HUNK: variants seen among roughly 807,000 people sequenced by gnomAD.
HUNK encodes the protein hormonally up-regulated neu tumor-associated kinase.
HUNK carries 21 observed loss-of-function variants against 61.0 expected under a neutral mutation model. The observed-to-expected ratio is 0.34, with a 90% CI of 0.24 to 0.50. HUNK has a LOEUF of 0.50. HUNK is among the 20% of genes least tolerant of loss of function. The pLI, the probability that HUNK is intolerant of heterozygous loss-of-function variation, is 0.98. For synonymous variants in HUNK, 371 were observed against 386.1 expected (o/e 0.96, Z 0.46); for missense variants, 772 against 945.7 (o/e 0.82, Z 2.41).
intron 5 of HUNK, among the ~76,000 whole-genome samples, chr21:31,963,201 T>G (rs1448988391): frequency 3.9e-5 from 6 of 152,336 alleles, no homozygotes; most frequent in East Asian, 1.9e-4. Context: ...TCATGTGGTG[T>G]TGTTTTTATA....
rs147522355 is a variant in HUNK at position 31,885,874 on chromosome 21, A to G, written c.261+11939A>G. 7.0e-4 allele frequency among the ~76,000 whole-genome samples: 107 copies of G among 152,280 alleles called. No individual in the cohort carries two copies. In the East Asian group the frequency reaches 0.021, roughly 29 times the overall value. The stretch of plus-strand genomic sequence containing the variant: ...CTCAGCCTCCTGAGTAGCTGGGATG[A>G]CAGGCACGCGCCACCATACCCACCT... On this transcript the variant is annotated intron_variant, in intron 1 of 10. Coordinates refer to ENST00000270112, the MANE Select transcript of HUNK (RefSeq NM_014586.2).
intron 1 of HUNK, among the ~76,000 whole-genome samples, chr21:31,914,322 C>T (rs979597306): frequency 1.4e-5 from 2 of 141,102 alleles, no homozygotes; most frequent in Non-Finnish European, 3.0e-5. Flanking sequence ...GCAGGAGAAT[C>T]GCTTGAACCC....
At chr21:31,941,511 TG>T (rs1372230860) in intron 3 of HUNK, among the ~76,000 whole-genome samples, 1 of 152,164 alleles carries the variant, frequency 6.6e-6, no homozygotes, top group Non-Finnish European at 1.5e-5. Flanking sequence ...TTCACCATGT[TG>T]GCCAGGCTGG....
intron 4 of HUNK, 83 bp from the exon 5 acceptor site, chr21:31,958,760 A>G: frequency 7.4e-7 from 1 of 1,350,198 alleles, no homozygotes; most frequent in African/African-American, 1.5e-5. Flanking sequence ...AGCAGCTCCC[A>G]CGCTTCGGTG....
chr21:31,944,389 C>T (rs2123830085), intron 3 of HUNK, among the ~76,000 whole-genome samples: 1 of 152,288 alleles, frequency 6.6e-6, no homozygotes, highest in East Asian at 1.9e-4. Context: ...GATTTTTCTT[C>T]TTATAAAAAT....
At chr21:31,997,518 G>T (rs1568945242) in intron 10 of HUNK, among the ~76,000 whole-genome samples, 1 of 152,208 alleles carries the variant, frequency 6.6e-6, no homozygotes, top group Non-Finnish European at 1.5e-5. Flanking sequence ...CCACTTATAT[G>T]AGGTCCCTAG....
chr21:31,981,934 G>T (rs1306468177), intron 7 of HUNK, among the ~76,000 whole-genome samples: 1 of 150,900 alleles, frequency 6.6e-6, no homozygotes, highest in Non-Finnish European at 1.5e-5. Context: ...AAGTTCTGGG[G>T]TACATGTTTA....
Position 31,873,886 on chromosome 21 carries a change from G to A in HUNK, c.212G>A (p.Gly71Asp). 6.3e-7 allele frequency: 1 copy of A among 1,587,318 alleles called. No homozygotes were observed. The highest frequency in any genetic ancestry group is 1.7e-5 in the Admixed American group (1 of 57,732). ...YLIGSRKLGEGSFAKVREGLH... is the reference protein window; with the variant it reads ...YLIGSRKLGEDSFAKVREGLH... ...ATCGGCAGCAGGAAGCTGGGCGAGG[G>A]CTCCTTTGCCAAGGTGCGCGAGGGG... Residue 71 changes from glycine (G) to aspartate (D), a missense_variant, in exon 1 of 11, where the codon GGC becomes GAC. Gly to Asp is a moderately conservative substitution (Grantham distance 94). This residue lies in a region of HUNK where 359 missense variants were observed against 501.3 expected (regional missense o/e 0.72). Transcript: ENST00000270112. The surrounding 1 kb of genome is among the most constrained non-coding windows in gnomAD (Gnocchi z 6.1).
intron 1 of HUNK, among the ~76,000 whole-genome samples, chr21:31,899,783 G>T (rs1419407050): frequency 2.1e-5 from 3 of 143,700 alleles, no homozygotes; most frequent in Non-Finnish European, 3.1e-5. Flanking sequence ...GCTGCTGTGT[G>T]TTTTTTTTTT....
At position 31,873,725 on chromosome 21, in the gene HUNK, G is replaced by GGGC. The variant is rs1425109440; in HGVS notation, c.62_64dup (p.Gly21dup). 9.8e-6 allele frequency: 12 copies of GGGC among 1,221,880 alleles called. No homozygotes were observed. The highest frequency in any genetic ancestry group is 3.2e-5 in the African/African-American group (2 of 63,230). The allele number at this position is 1,221,880 out of a possible 1,614,324, so 75.7% of individuals were successfully genotyped here. A position where few individuals can be genotyped will look rare whatever the true frequency, so the allele number is the denominator to read the frequency against. ...TCCTGGGGGAGCCGGCGGCGCCTGG[G>GGGC]GGCGGCGGCGGCGCGGAGGACGCGG... On this transcript the variant is annotated inframe_insertion, in exon 1 of 11. Transcript: ENST00000270112. This position sits in a 1 kb window ranked among gnomAD's most constrained non-coding sequence, Gnocchi z 6.1.
At chr21:31,935,024 C>T (rs1322657025) in intron 2 of HUNK, among the ~76,000 whole-genome samples, 2 of 152,048 alleles carry the variant, frequency 1.3e-5, no homozygotes, top group African/African-American at 2.4e-5. Context: ...CTCAATTTTT[C>T]TGCCTCTTTG....
At chr21:31,996,372 T>A (rs1330745752) in intron 10 of HUNK, among the ~76,000 whole-genome samples, 2 of 152,142 alleles carry the variant, frequency 1.3e-5, no homozygotes, top group East Asian at 1.9e-4. Context: ...CTCTACTGCC[T>A]GCAGAGGTCC....
intron 5 of HUNK, among the ~76,000 whole-genome samples, chr21:31,966,610 G>A (rs1601402118): frequency 6.6e-6 from 1 of 152,070 alleles, no homozygotes; most frequent in African/African-American, 2.4e-5. Context: ...CCCCTTTTTT[G>A]ATGGCCTCAT....
chr21:31,996,520 A>G (rs752783288), intron 10 of HUNK, among the ~76,000 whole-genome samples: 5 of 152,134 alleles, frequency 3.3e-5, no homozygotes, highest in Non-Finnish European at 5.9e-5. Context: ...CAGATAACTG[A>G]CAAATATGTT....
chr21:31,900,169 C>T (rs1038368312), intron 1 of HUNK, among the ~76,000 whole-genome samples: 1 of 152,104 alleles, frequency 6.6e-6, no homozygotes, highest in Non-Finnish European at 1.5e-5. Flanking sequence ...TTCCTCGCAG[C>T]ATAATCCATC....
At chr21:31,951,569 G>T (rs369342321) in intron 4 of HUNK, among the ~76,000 whole-genome samples, 1 of 152,036 alleles carries the variant, frequency 6.6e-6, no homozygotes. Flanking sequence ...AAGTATTTGC[G>T]TGAGGGCCTG....
Position 31,911,203 on chromosome 21 carries a change from C to T in HUNK, c.262-13265C>T, listed in dbSNP as rs138042405. Reference sequence around the variant, plus strand: ...CGGGGGCTGTTCTGGATGTGGTAAGCATGTCAGTGAGGGACCATCTCTTCC... The same window carrying T: ...CGGGGGCTGTTCTGGATGTGGTAAGTATGTCAGTGAGGGACCATCTCTTCC... On this transcript the variant is annotated intron_variant, in intron 1 of 10. Transcript: ENST00000270112. 4.3e-3 allele frequency among the ~76,000 whole-genome samples: 656 copies of T among 152,296 alleles called. 1 individual carries two copies. Among genetic ancestry groups the T allele is most frequent in the African/African-American group, 0.015 (607 of 41,554 alleles).
Position 31,940,225 on chromosome 21 carries a change from G to T in HUNK, c.610+5G>T. The T allele has an allele frequency of 2.0e-6, 3 of 1,525,056 alleles. No homozygotes were observed. Among genetic ancestry groups the T allele is most frequent in the East Asian group, 2.3e-5 (1 of 43,222 alleles). The allele number at this position is 1,525,056 out of a possible 1,614,324, so 94.5% of individuals were successfully genotyped here. On this transcript the variant is annotated splice_donor_5th_base_variant and intron_variant, in intron 3 of 10. Transcript: ENST00000270112. ...ACAATAATATCAAGCTGATTGGTAT[G>T]ACTTTTTTTTTTTTTTAAGCAAAAG...
rs2123816440 is a variant in HUNK at position 31,924,694 on chromosome 21, C to T, written c.488C>T (p.Ala163Val). 6.2e-7 allele frequency: 1 copy of T among 1,614,018 alleles called. No individual in the cohort carries two copies. The highest frequency in any genetic ancestry group is 8.5e-7 in the Non-Finnish European group (1 of 1,179,998). Reference protein sequence around the residue: ...YEKKRLEESEARRYIRQLISA... With the variant: ...YEKKRLEESEVRRYIRQLISA... Reference sequence around the variant, plus strand: ...AAGAAGCGGCTGGAGGAGTCCGAAGCCCGCAGATACATCCGACAGCTCATC... The same window carrying T: ...AAGAAGCGGCTGGAGGAGTCCGAAGTCCGCAGATACATCCGACAGCTCATC... The change falls in exon 2 of 11, where the codon GCC (alanine) becomes GTC (valine). Residue 163 changes from alanine to valine, a missense_variant. Transcript: ENST00000270112. The surrounding 1 kb of genome is among the most constrained non-coding windows in gnomAD (Gnocchi z 5.1).
Sources: gnomAD v4.1 joint callset for allele counts (sites outside exome capture counted in the v4.1 genomes callset) on GRCh38, gnomAD v4.1.1 for gene constraint, gnomAD v4.1.1 regional missense constraint, Gnocchi (gnomAD v3.1) non-coding constraint, MANE v1.5 for transcripts, NCBI Gene and HGNC (gene_info 2026-07-23, HGNC 2026-07-21) for gene names.